The following ADGRL2 variants were observed in gnomAD, a reference collection of about 807,000 sequenced individuals.
ADGRL2 encodes the protein calcium-independent alpha-latrotoxin receptor 2.
Under a neutral mutation model 157.4 loss-of-function variants are expected in ADGRL2, and 44 were observed. That is an observed-to-expected ratio of 0.28 (90% CI 0.22 to 0.36). The LOEUF (loss-of-function observed/expected upper bound fraction) is 0.36, where lower values mean the gene tolerates loss of function less well. Ranked by LOEUF, ADGRL2 falls within the 10% of genes least tolerant of loss-of-function variation. The pLI, the probability that ADGRL2 is intolerant of heterozygous loss-of-function variation, is 1.00. For synonymous variants in ADGRL2, 585 were observed against 624.7 expected, an observed-to-expected ratio of 0.94 and a Z score of 0.95; for missense variants, 1,510 against 1,768.9, an observed-to-expected ratio of 0.85 and a Z score of 2.63.
chr1:81,863,022 T>G (rs2093433414), intron 2 of ADGRL2, among the ~76,000 whole-genome samples: 2 of 152,226 alleles, frequency 1.3e-5, no homozygotes, highest in Non-Finnish European at 2.9e-5. Flanking sequence ...GTTTATACTT[T>G]TTCAAGGGAA....
Position 81,988,241 on chromosome 1 carries a change from C to T in ADGRL2, c.3655+355C>T, listed in dbSNP as rs539816020. Among the ~76,000 whole-genome samples the T allele has an allele frequency of 3.3e-5, 5 of 152,164 alleles. No homozygotes were observed. The East Asian group carries it at 9.7e-4, about 30-fold the overall frequency. ...TGTGGAAAATCTTCAAGTGAATTAC[C>T]TGAACTTGGGCAGAAAAAGATAACC... On this transcript the variant is annotated intron_variant, in intron 23 of 23. Transcript: ENST00000686636.
intron 2 of ADGRL2, among the ~76,000 whole-genome samples, chr1:81,882,546 G>A (rs985994160): frequency 4.6e-5 from 7 of 152,098 alleles, no homozygotes; most frequent in Non-Finnish European, 8.8e-5. Flanking sequence ...AGTGAGGGAT[G>A]GAATGCCTTT....
chr1:81,425,916 G>A (rs1346241806), intron 1 of ADGRL2, among the ~76,000 whole-genome samples: 1 of 151,942 alleles, frequency 6.6e-6, no homozygotes, highest in African/African-American at 2.4e-5. Flanking sequence ...GCCCAGGCTG[G>A]ACTGCACAGA....
chr1:81,391,544 C>G (rs181644552), intron 1 of ADGRL2, among the ~76,000 whole-genome samples: 2 of 152,084 alleles, frequency 1.3e-5, no homozygotes, highest in African/African-American at 4.8e-5. Flanking sequence ...ATTTTTTTCT[C>G]TAAAATAAAG....
intron 1 of ADGRL2, among the ~76,000 whole-genome samples, chr1:81,437,094 C>T (rs576167994): frequency 6.6e-6 from 1 of 152,220 alleles, no homozygotes; most frequent in Admixed American, 6.5e-5. Context: ...TTCAATTTAT[C>T]CAACCAAGGC....
At chr1:81,509,639 G>T (rs1271037518) in intron 2 of ADGRL2, among the ~76,000 whole-genome samples, 2 of 152,172 alleles carry the variant, frequency 1.3e-5, no homozygotes, top group Non-Finnish European at 2.9e-5. Context: ...ATGAGAAAAG[G>T]CCCCTTCAAA....
At chr1:81,601,310 T>C (rs1185963608) in intron 3 of ADGRL2, among the ~76,000 whole-genome samples, 3 of 152,210 alleles carry the variant, frequency 2.0e-5, no homozygotes, top group Non-Finnish European at 4.4e-5. Context: ...ATGTCAATAG[T>C]GTGCTGAAGT....
chr1:81,655,144 G>A (rs975708069), intron 3 of ADGRL2, among the ~76,000 whole-genome samples: 2 of 152,130 alleles, frequency 1.3e-5, no homozygotes, highest in African/African-American at 2.4e-5. Flanking sequence ...GACTACGGGC[G>A]CATGCCACCA....
chr1:81,487,651 AAAG>A (rs1370322769), intron 2 of ADGRL2, among the ~76,000 whole-genome samples: 2 of 152,154 alleles, frequency 1.3e-5, no homozygotes, highest in Non-Finnish European at 2.9e-5. Context: ...TCTCAAAAAA[AAAG>A]GGGGAGATAT....
chr1:81,650,515 G>C (rs960301268), intron 3 of ADGRL2, among the ~76,000 whole-genome samples: 3 of 150,526 alleles, frequency 2.0e-5, no homozygotes, highest in Admixed American at 6.6e-5. Flanking sequence ...GGTGGAGGTT[G>C]CAGTGAGCTG....
intron 1 of ADGRL2, among the ~76,000 whole-genome samples, chr1:81,410,263 A>T (rs1415150552): frequency 2.0e-5 from 3 of 152,234 alleles, no homozygotes; most frequent in Admixed American, 6.5e-5. Context: ...TTAAAAAGTA[A>T]AGAGTTAACA....
At chr1:81,983,827 A>C (rs551322171) in intron 19 of ADGRL2, among the ~76,000 whole-genome samples, 35 of 152,024 alleles carry the variant, frequency 2.3e-4, no homozygotes, top group Admixed American at 6.6e-5. Context: ...AGACCTAACA[A>C]CTTTTTTTTT....
intron 2 of ADGRL2, among the ~76,000 whole-genome samples, chr1:81,770,484 T>G (rs1367430917): frequency 6.6e-6 from 1 of 151,030 alleles, no homozygotes; most frequent in Non-Finnish European, 1.5e-5. Context: ...GTTTTTCTTT[T>G]CCTTTTAAGA....
intron 2 of ADGRL2, among the ~76,000 whole-genome samples, chr1:81,880,593 C>A (rs908443814): frequency 6.6e-6 from 1 of 152,014 alleles, no homozygotes; most frequent in African/African-American, 2.4e-5. Context: ...CAGTTGAATT[C>A]GAGGGCTTCT....
chr1:81,675,169 G>T (rs1378866537), intron 3 of ADGRL2, among the ~76,000 whole-genome samples: 1 of 152,094 alleles, frequency 6.6e-6, no homozygotes, highest in African/African-American at 2.4e-5. Flanking sequence ...CAACACAAAA[G>T]AGCATAACTT....
chr1:81,414,659 ATATTAC>A (rs2077003803), intron 1 of ADGRL2, among the ~76,000 whole-genome samples: 1 of 152,212 alleles, frequency 6.6e-6, no homozygotes, highest in East Asian at 1.9e-4. Context: ...TCTTTGGAGG[ATATTAC>A]TTTGCTTGAA....
intron 2 of ADGRL2, among the ~76,000 whole-genome samples, chr1:81,569,446 T>C (rs1184434418): frequency 1.3e-5 from 2 of 152,124 alleles, no homozygotes; most frequent in Non-Finnish European, 2.9e-5. Flanking sequence ...AGATTCTGAG[T>C]CAGGAATTAA....
At chr1:81,629,665 ATATGTG>A (rs996912184) in intron 3 of ADGRL2, among the ~76,000 whole-genome samples, 16 of 90,418 alleles carry the variant, frequency 1.8e-4, no homozygotes, top group African/African-American at 5.5e-4. Flanking sequence ...GAATGAATGT[ATATGTG>A]TGTGTGTGTG....
intron 3 of ADGRL2, among the ~76,000 whole-genome samples, chr1:81,604,177 C>G (rs1030952338): frequency 1.2e-4 from 19 of 152,116 alleles, no homozygotes; most frequent in African/African-American, 4.8e-5. Context: ...GTTGGCCAGG[C>G]TGGTTTCGAA....
Sources: gnomAD v4.1 joint callset for allele counts (sites outside exome capture counted in the v4.1 genomes callset) on GRCh38, gnomAD v4.1.1 for gene constraint, MANE v1.5 for transcripts, NCBI Gene and HGNC (gene_info 2026-07-23, HGNC 2026-07-21) for gene names.